The following WDR41 variants were observed in gnomAD, a reference collection of about 807,000 sequenced individuals.
The protein encoded by WDR41 is WD repeat-containing protein 41.
WDR41 carries 63 observed loss-of-function variants against 69.3 expected under a neutral mutation model. The observed-to-expected ratio is 0.91, with a 90% CI of 0.74 to 1.12. The LOEUF (loss-of-function observed/expected upper bound fraction) is 1.12. WDR41 is among the 50% of genes most tolerant of loss of function. WDR41 has a pLI of 0.00. For synonymous variants in WDR41, 185 were observed against 192.1 expected (o/e 0.96, Z 0.31); for missense variants, 543 against 534.5 (o/e 1.02, Z -0.16).
intron 1 of WDR41, among the ~76,000 whole-genome samples, chr5:77,503,200 A>G (rs1802047578): frequency 6.6e-6 from 1 of 150,404 alleles, no homozygotes; most frequent in African/African-American, 2.4e-5. Context: ...CAAAAAAAAA[A>G]AAAAAAAAAA....
intron 2 of WDR41, among the ~76,000 whole-genome samples, chr5:77,466,781 T>C (rs534548630): frequency 3.3e-5 from 5 of 151,586 alleles, no homozygotes; most frequent in African/African-American, 1.2e-4. Context: ...AGGCCTTCTA[T>C]TCTTATATAT....
intron 5 of WDR41, among the ~76,000 whole-genome samples, chr5:77,458,246 G>C (rs1221650252): frequency 6.6e-6 from 1 of 152,042 alleles, no homozygotes; most frequent in Non-Finnish European, 1.5e-5. Flanking sequence ...TGACTAAGTT[G>C]ATATTTTGAA....
At chr5:77,605,070 A>G (rs1744391577) in intron 1 of WDR41, among the ~76,000 whole-genome samples, 1 of 152,186 alleles carries the variant, frequency 6.6e-6, no homozygotes, top group African/African-American at 2.4e-5. Flanking sequence ...AGACTCTTTT[A>G]TATTTTAATT....
At position 77,433,382 on chromosome 5, in the gene WDR41, A is replaced by G. The variant is rs1798803572; in HGVS notation, c.1228-95T>C. 4 of 1,131,858 alleles carry G rather than the reference A, an allele frequency of 3.5e-6. No homozygotes were observed. The South Asian group carries it at 7.7e-5, about 22-fold the overall frequency. 70.1% of individuals were successfully genotyped at this position (1,131,858 alleles called of 1,614,324 possible). Reference sequence around the variant, plus strand: ...CATGTGCGTGTGAGATATGTGCCTTAAAGACTCCTTTGGATCTGGGTGTAG... The same window carrying G: ...CATGTGCGTGTGAGATATGTGCCTTGAAGACTCCTTTGGATCTGGGTGTAG... On this transcript the variant is annotated intron_variant, in intron 12 of 12. Transcript: ENST00000296679.
chr5:77,461,787 G>A (rs1259728328), intron 4 of WDR41, among the ~76,000 whole-genome samples: 4 of 151,552 alleles, frequency 2.6e-5, no homozygotes, highest in African/African-American at 4.9e-5. Flanking sequence ...GCAGTGAGCC[G>A]AGATTGTGCT....
upstream of WDR41, among the ~76,000 whole-genome samples, chr5:77,496,972 G>A (rs1182839686): frequency 6.6e-6 from 1 of 152,126 alleles, no homozygotes; most frequent in African/African-American, 2.4e-5. Flanking sequence ...TTTTTGACAA[G>A]TGTACTAAGA....
chr5:77,598,488 A>G (rs1284953620), intron 1 of WDR41, among the ~76,000 whole-genome samples: 2 of 152,220 alleles, frequency 1.3e-5, no homozygotes, highest in Non-Finnish European at 2.9e-5. Context: ...CTAGAACCAC[A>G]GAGAAGACCC....
At chr5:77,512,385 T>A (rs1434247826) in intron 1 of WDR41, among the ~76,000 whole-genome samples, 1 of 148,040 alleles carries the variant, frequency 6.8e-6, no homozygotes, top group African/African-American at 2.5e-5. Flanking sequence ...TGTGTGTGTG[T>A]GTGTGTGTGT....
At chr5:77,591,612 G>A (rs1452659580) in intron 1 of WDR41, among the ~76,000 whole-genome samples, 1 of 152,028 alleles carries the variant, frequency 6.6e-6, no homozygotes, top group Non-Finnish European at 1.5e-5. Context: ...TTATTGCATA[G>A]CTCAATGTTT....
intron 12 of WDR41, among the ~76,000 whole-genome samples, chr5:77,435,917 CTG>C (rs1178398032): frequency 1.3e-5 from 2 of 152,202 alleles, no homozygotes; most frequent in African/African-American, 2.4e-5. Context: ...AAGGCTTTAA[CTG>C]TATACACATA....
intron 1 of WDR41, among the ~76,000 whole-genome samples, chr5:77,612,536 C>A (rs1300037002): frequency 6.6e-6 from 1 of 152,120 alleles, no homozygotes; most frequent in Non-Finnish European, 1.5e-5. Flanking sequence ...GAACCAAAGA[C>A]AAAAACCACA....
chr5:77,556,253 T>C (rs1413543298), intron 1 of WDR41, among the ~76,000 whole-genome samples: 1 of 151,926 alleles, frequency 6.6e-6, no homozygotes, highest in Non-Finnish European at 1.5e-5. Flanking sequence ...TATAGGCCCA[T>C]GCCACCACGC....
chr5:77,459,083 T>C lies in WDR41; in HGVS notation c.390A>G (p.Ser130=), dbSNP rs770123016. The C allele has an allele frequency of 2.5e-6, 4 of 1,601,668 alleles. No individual in the cohort carries two copies. The highest frequency in any genetic ancestry group is 1.1e-5 in the South Asian group (1 of 89,314). Residue 130 remains serine (S), a synonymous_variant, in exon 5 of 13, where the codon TCA becomes TCG. Coordinates refer to ENST00000296679, the MANE Select transcript of WDR41 (RefSeq NM_018268.4). ...GDTTRQVQRI[S]CFQSTVKCLT... ...TTACCTTTACAGTAGACTGGAAGCA[T>C]GATATTCTCTGAACTTGTCTGGTAG...
chr5:77,510,212 G>C (rs1232008703), intron 1 of WDR41, among the ~76,000 whole-genome samples: 2 of 152,196 alleles, frequency 1.3e-5, no homozygotes. Context: ...ATCTTACATG[G>C]ATGGCAGCAG....
At chr5:77,544,023 C>T (rs1437549858) in intron 1 of WDR41, among the ~76,000 whole-genome samples, 2 of 152,006 alleles carry the variant, frequency 1.3e-5, no homozygotes, top group African/African-American at 4.8e-5. Flanking sequence ...AACAAAACAA[C>T]AGCCAAGAAT....
At chr5:77,562,331 G>C (rs1308117432) in intron 1 of WDR41, among the ~76,000 whole-genome samples, 4 of 152,188 alleles carry the variant, frequency 2.6e-5, no homozygotes, top group Non-Finnish European at 5.9e-5. Flanking sequence ...CTTGTAGAAG[G>C]TAATACAAAG....
chr5:77,606,488 G>A (rs1357552818), intron 1 of WDR41, among the ~76,000 whole-genome samples: 1 of 152,170 alleles, frequency 6.6e-6, no homozygotes, highest in Middle Eastern at 3.2e-3. Context: ...AACAGGAAGT[G>A]TAAATGACTG....
chr5:77,568,739 A>G (rs1217804805), intron 1 of WDR41, among the ~76,000 whole-genome samples: 2 of 152,204 alleles, frequency 1.3e-5, no homozygotes, highest in Non-Finnish European at 2.9e-5. Context: ...GAGTCAAATG[A>G]TAAATATCCA....
chr5:77,435,327 C>T (rs1276555303), intron 12 of WDR41, among the ~76,000 whole-genome samples: 2 of 152,206 alleles, frequency 1.3e-5, no homozygotes, highest in East Asian at 3.9e-4. Flanking sequence ...AGAAATGTTT[C>T]TTCTGAGTCA....
Sources: allele counts gnomAD v4.1 joint callset (sites outside exome capture counted in the v4.1 genomes callset), GRCh38; gene constraint gnomAD v4.1.1; transcripts MANE v1.5; gene names NCBI Gene and HGNC (gene_info 2026-07-23, HGNC 2026-07-21).